The following MAD1L1 variants were observed in gnomAD, a reference collection of about 807,000 sequenced individuals.
MAD1L1 encodes the protein mitotic arrest deficient 1 like 1.
Under a neutral mutation model 96.9 loss-of-function variants are expected in MAD1L1, and 95 were observed. The ratio of observed to expected loss-of-function variants is 0.98; its 90% CI spans 0.83 to 1.16. The LOEUF is 1.16. Ranked by LOEUF, MAD1L1 falls within the 50% of genes most tolerant of loss-of-function variation. The probability of loss-of-function intolerance (pLI) is 0.00; values close to 1 mark genes in which losing one functional copy is unlikely to be tolerated. For missense variants in MAD1L1, 1,007 were observed against 954.4 expected (o/e 1.06, Z -0.73); for synonymous variants, 473 against 396.6 (o/e 1.19, Z -2.29).
intron 11 of MAD1L1, among the ~76,000 whole-genome samples, chr7:2,095,497 C>T (rs1786439915): frequency 6.6e-6 from 1 of 152,224 alleles, no homozygotes; most frequent in Non-Finnish European, 1.5e-5. Flanking sequence ...GGCTCCCAGG[C>T]TGCAAACGGA....
intron 18 of MAD1L1, among the ~76,000 whole-genome samples, chr7:1,818,582 T>TA (rs1204652961): frequency 6.6e-6 from 1 of 151,894 alleles, no homozygotes; most frequent in East Asian, 1.9e-4. Flanking sequence ...AGACTTTAGC[T>TA]ATTTTGCCCA....
chr7:2,125,616 G>A (rs1042266040), intron 11 of MAD1L1, among the ~76,000 whole-genome samples: 1 of 152,172 alleles, frequency 6.6e-6, no homozygotes, highest in Non-Finnish European at 1.5e-5. Flanking sequence ...TCACCGGCAG[G>A]AGGCTGGCTC....
At chr7:2,084,867 C>A (rs978406939) in intron 11 of MAD1L1, among the ~76,000 whole-genome samples, 34 of 152,288 alleles carry the variant, frequency 2.2e-4, no homozygotes, top group Admixed American at 2.2e-3. Flanking sequence ...GAAGAGCCTG[C>A]GACTCTGTAG....
At chr7:2,069,456 A>C in intron 11 of MAD1L1, 118 bp from the exon 12 acceptor site, 2 of 965,822 alleles carry the variant, frequency 2.1e-6, no homozygotes, top group Non-Finnish European at 2.9e-6. Flanking sequence ...TGCACGTGCA[A>C]CCCCCTCACT....
At chr7:2,182,846 C>G (rs1463762113) in intron 10 of MAD1L1, among the ~76,000 whole-genome samples, 4 of 152,162 alleles carry the variant, frequency 2.6e-5, no homozygotes, top group African/African-American at 9.7e-5. Context: ...CTTTGGGGAC[C>G]ATGACAATCT....
chr7:2,115,573 C>A (rs1475657793), intron 11 of MAD1L1, among the ~76,000 whole-genome samples: 1 of 151,518 alleles, frequency 6.6e-6, no homozygotes, highest in East Asian at 1.9e-4. Context: ...CCCGTGTGTT[C>A]CGGGATCAGA....
intron 12 of MAD1L1, among the ~76,000 whole-genome samples, chr7:2,027,320 G>A (rs558760617): frequency 1.3e-5 from 2 of 152,256 alleles, no homozygotes; most frequent in East Asian, 3.9e-4. Context: ...AACGATTACA[G>A]AAAACAACAG....
chr7:2,088,041 T>C lies in MAD1L1; in HGVS notation c.1074-18703A>G, dbSNP rs1786013621. On this transcript the variant is annotated intron_variant, in intron 11 of 18. Transcript: ENST00000265854. The surrounding 1 kb of genome is among the most constrained non-coding windows in gnomAD (Gnocchi z 4.4). Reference sequence around the variant, plus strand: ...TTCCCAGCAGATCGAGGCTTGAGGCTCTAGGAGAGTTAGAGAAGAAGAAGA... The same window carrying C: ...TTCCCAGCAGATCGAGGCTTGAGGCCCTAGGAGAGTTAGAGAAGAAGAAGA... Among the ~76,000 whole-genome samples, 1 of 152,076 alleles carries C rather than the reference T, an allele frequency of 6.6e-6. No individual in the cohort carries two copies. Among genetic ancestry groups the C allele is most frequent in the Non-Finnish European group, 1.5e-5 (1 of 68,018 alleles).
At chr7:1,949,155 G>A (rs1328364859) in intron 16 of MAD1L1, among the ~76,000 whole-genome samples, 1 of 152,170 alleles carries the variant, frequency 6.6e-6, no homozygotes, top group Non-Finnish European at 1.5e-5. Context: ...ACGGCCCCTA[G>A]AGCTGACACT....
chr7:1,947,898 A>G (rs894054601), intron 16 of MAD1L1, among the ~76,000 whole-genome samples: 3 of 152,142 alleles, frequency 2.0e-5, no homozygotes, highest in Non-Finnish European at 4.4e-5. Context: ...TATTCCAGGA[A>G]AGCAGCTCCC....
rs1211062002 is a variant in MAD1L1 at position 2,102,301 on chromosome 7, TCAC to T, written c.1074-32966_1074-32964del. The stretch of plus-strand genomic sequence containing the variant: ...ACCACCACCACCGCCACTGTCACCA[TCAC>T]CACCGTCACCATCACCGCCGTCACC... On this transcript the variant is annotated intron_variant, in intron 11 of 18. Transcript: ENST00000265854. 1.4e-4 allele frequency among the ~76,000 whole-genome samples: 9 copies of T among 63,162 alleles called. No individual in the cohort carries two copies. In the East Asian group the frequency reaches 8.9e-3, roughly 63 times the overall value. 41.4% of individuals were successfully genotyped at this position (63,162 alleles called of 152,430 possible).
intron 12 of MAD1L1, among the ~76,000 whole-genome samples, chr7:2,017,564 C>A (rs1782597574): frequency 6.6e-6 from 1 of 152,160 alleles, no homozygotes; most frequent in African/African-American, 2.4e-5. Flanking sequence ...GGGCTGCTCA[C>A]CCAGGGAGGC....
intron 14 of MAD1L1, among the ~76,000 whole-genome samples, chr7:1,999,440 C>G (rs1196790019): frequency 5.9e-5 from 9 of 152,202 alleles, no homozygotes; most frequent in Non-Finnish European, 1.3e-4. Flanking sequence ...CAAACCCGCC[C>G]TGGTAAACCC....
chr7:1,927,556 T>C (rs1351693011), intron 17 of MAD1L1, among the ~76,000 whole-genome samples: 1 of 152,168 alleles, frequency 6.6e-6, no homozygotes, highest in Non-Finnish European at 1.5e-5. Context: ...CAACTGGTTT[T>C]GGACAAAGGT....
rs1285167908 is a variant in MAD1L1, at chr7:2,114,524, G to A, written c.1073+34628C>T. On this transcript the variant is annotated intron_variant, in intron 11 of 18. Coordinates refer to ENST00000265854, the MANE Select transcript of MAD1L1 (RefSeq NM_001013836.2). This position sits in a 1 kb window ranked among gnomAD's most constrained non-coding sequence, Gnocchi z 4.2. ...GATCAATCTTGCGGGTCACCTCCCT[G>A]CAGCAAGGCCCAAGCCGACGTCACG... Among the ~76,000 whole-genome samples the A allele has an allele frequency of 6.6e-6, 1 of 152,238 alleles. No homozygotes were observed. The highest frequency in any genetic ancestry group is 2.4e-5 in the African/African-American group (1 of 41,470).
intron 18 of MAD1L1, among the ~76,000 whole-genome samples, chr7:1,862,313 G>A (rs1201271264): frequency 6.6e-6 from 1 of 152,222 alleles, no homozygotes; most frequent in African/African-American, 2.4e-5. Context: ...GTTGCCACGG[G>A]TCCCCTGGGA....
chr7:2,147,730 T>C (rs566145831), intron 11 of MAD1L1, among the ~76,000 whole-genome samples: 1 of 152,310 alleles, frequency 6.6e-6, no homozygotes, highest in Non-Finnish European at 1.5e-5. Context: ...TAGAGGCTGC[T>C]CCCTGAGACA....
At chr7:2,129,255 G>C (rs1470114970) in intron 11 of MAD1L1, among the ~76,000 whole-genome samples, 1 of 152,224 alleles carries the variant, frequency 6.6e-6, no homozygotes, top group Non-Finnish European at 1.5e-5. Flanking sequence ...CAGGCCAGGG[G>C]GCAGGGAGGG....
chr7:1,949,836 C>A (rs762421708), intron 16 of MAD1L1, among the ~76,000 whole-genome samples: 1 of 152,190 alleles, frequency 6.6e-6, no homozygotes, highest in African/African-American at 2.4e-5. Context: ...GCAGACAGGG[C>A]CACGGCCCTT....
Sources: gnomAD v4.1 joint callset for allele counts (sites outside exome capture counted in the v4.1 genomes callset) on GRCh38, gnomAD v4.1.1 for gene constraint, Gnocchi (gnomAD v3.1) non-coding constraint, MANE v1.5 for transcripts, NCBI Gene and HGNC (gene_info 2026-07-23, HGNC 2026-07-21) for gene names.